Variants in NKAIN3 observed in about 807,000 individuals in gnomAD.
The protein encoded by NKAIN3 is sodium/potassium transporting ATPase interacting 3, also known as sodium/potassium-transporting ATPase subunit beta-1-interacting protein 3.
In NKAIN3, 25 loss-of-function variants were observed where a neutral mutation model predicts 30.2. The observed-to-expected ratio is 0.83, with a 90% CI of 0.60 to 1.16. The LOEUF (loss-of-function observed/expected upper bound fraction) is 1.16. NKAIN3 is among the 50% of genes most tolerant of loss of function. The probability of loss-of-function intolerance (pLI) is 0.00; values close to 1 mark genes in which losing one functional copy is unlikely to be tolerated. For missense variants in NKAIN3, 225 were observed against 254.1 expected, an observed-to-expected ratio of 0.89 and a Z score of 0.78; for synonymous variants, 91 against 89.6, an observed-to-expected ratio of 1.02 and a Z score of -0.09.
At chr8:62,845,492 G>C (rs1819662709) in intron 4 of NKAIN3, among the ~76,000 whole-genome samples, 1 of 151,490 alleles carries the variant, frequency 6.6e-6, no homozygotes, top group African/African-American at 2.4e-5. Context: ...TGGTGAACTG[G>C]AACAGAGCAA....
chr8:62,790,792 T>C (rs911668708), intron 4 of NKAIN3, among the ~76,000 whole-genome samples: 1 of 152,038 alleles, frequency 6.6e-6, no homozygotes, highest in Non-Finnish European at 1.5e-5. Flanking sequence ...CTCTGATAAG[T>C]GCTACTCACA....
chr8:62,312,620 C>T (rs752048492), intron 1 of NKAIN3, among the ~76,000 whole-genome samples: 5 of 142,324 alleles, frequency 3.5e-5, no homozygotes, highest in Non-Finnish European at 7.4e-5. Context: ...GAGTTTGAGA[C>T]CAGCGTGGGC....
intron 4 of NKAIN3, among the ~76,000 whole-genome samples, chr8:62,786,601 T>C (rs2130662895): frequency 6.6e-6 from 1 of 151,968 alleles, no homozygotes; most frequent in African/African-American, 2.4e-5. Flanking sequence ...AAAAAGAAAA[T>C]TGGTCTTGTA....
chr8:62,930,259 CT>C (rs34934320), intron 5 of NKAIN3, among the ~76,000 whole-genome samples: 22,254 of 148,346 alleles, frequency 0.15, 2,088 homozygotes, highest in African/African-American at 0.26. Flanking sequence ...TCCATTCTAC[CT>C]TTTTTTTTTG....
chr8:62,271,318 C>T (rs1327352581), intron 1 of NKAIN3, among the ~76,000 whole-genome samples: 1 of 152,058 alleles, frequency 6.6e-6, no homozygotes, highest in African/African-American at 2.4e-5. Flanking sequence ...TCTTTAAGCA[C>T]AAGATTTGTA....
In NKAIN3 at chr8:62,848,921, C is replaced by A. The variant is rs1406568528; in HGVS notation, c.472-69532C>A. ...CCTTTTCTGCATCTATTGAGATAAT[C>A]ATGTGGTTTTTGTCCTTAGATCTGT... On this transcript the variant is annotated intron_variant, in intron 4 of 6. Coordinates refer to ENST00000623646, the MANE Select transcript of NKAIN3 (RefSeq NM_001304533.3). Among the ~76,000 whole-genome samples, 9 of 152,102 alleles carry A rather than the reference C, an allele frequency of 5.9e-5. No homozygotes were observed. The East Asian group carries it at 1.7e-3, about 29-fold the overall frequency.
chr8:62,526,705 A>G (rs1808313663), intron 1 of NKAIN3, among the ~76,000 whole-genome samples: 1 of 152,168 alleles, frequency 6.6e-6, no homozygotes, highest in African/African-American at 2.4e-5. Context: ...AATGGACTTC[A>G]TTGCAGAAGT....
intron 3 of NKAIN3, among the ~76,000 whole-genome samples, chr8:62,595,543 G>T (rs1279810699): frequency 6.6e-6 from 1 of 151,840 alleles, no homozygotes; most frequent in Non-Finnish European, 1.5e-5. Flanking sequence ...GTGCTCTCAG[G>T]CAATAGATGA....
At chr8:62,631,225 C>A (rs1243246248) in intron 3 of NKAIN3, among the ~76,000 whole-genome samples, 2 of 152,140 alleles carry the variant, frequency 1.3e-5, no homozygotes, top group Non-Finnish European at 2.9e-5. Context: ...AGACATTGTT[C>A]CTGACTTCCA....
At chr8:62,405,734 C>G (rs531687678) in intron 1 of NKAIN3, among the ~76,000 whole-genome samples, 12 of 152,142 alleles carry the variant, frequency 7.9e-5, no homozygotes, top group Non-Finnish European at 1.8e-4. Context: ...CACCTGATTA[C>G]TGGTTCTTAT....
chr8:62,342,541 C>T (rs1399683228), intron 1 of NKAIN3, among the ~76,000 whole-genome samples: 1 of 152,038 alleles, frequency 6.6e-6, no homozygotes, highest in Non-Finnish European at 1.5e-5. Flanking sequence ...CTTTGAGTGT[C>T]ACCCAGTTAC....
At chr8:62,691,168 C>T (rs1333587071) in intron 3 of NKAIN3, among the ~76,000 whole-genome samples, 1 of 152,180 alleles carries the variant, frequency 6.6e-6, no homozygotes, top group African/African-American at 2.4e-5. Flanking sequence ...TAAGTAGCAG[C>T]TGGCCTTCTT....
chr8:62,581,780 C>A lies in NKAIN3; in HGVS notation c.192+2104C>A, dbSNP rs535598793. On this transcript the variant is annotated intron_variant, in intron 2 of 6. Coordinates refer to ENST00000623646, the MANE Select transcript of NKAIN3 (RefSeq NM_001304533.3). The stretch of plus-strand genomic sequence containing the variant: ...TCTTTCCTTCCTTCCTCCCTCCCTC[C>A]CTCCCTTTCTCCCACCTATCCTCCC... Among the ~76,000 whole-genome samples the A allele has an allele frequency of 8.2e-4, 114 of 138,692 alleles. 3 individuals are homozygous for A. The highest frequency in any genetic ancestry group is 3.6e-3 in the Middle Eastern group (1 of 280). The allele number at this position is 138,692 out of a possible 152,430, so 91.0% of individuals were successfully genotyped here.
At chr8:62,576,021 C>A (rs758405705) in intron 1 of NKAIN3, among the ~76,000 whole-genome samples, 1 of 151,948 alleles carries the variant, frequency 6.6e-6, no homozygotes, top group African/African-American at 2.4e-5. Context: ...TACTAGAAGA[C>A]AACACTAGGG....
At chr8:62,572,567 C>G (rs1297790884) in intron 1 of NKAIN3, among the ~76,000 whole-genome samples, 1 of 152,162 alleles carries the variant, frequency 6.6e-6, no homozygotes, top group African/African-American at 2.4e-5. Flanking sequence ...CTGATAAAGA[C>G]ATATGTGAGA....
intron 3 of NKAIN3, among the ~76,000 whole-genome samples, chr8:62,660,795 C>T (rs1233258577): frequency 6.6e-6 from 1 of 152,204 alleles, no homozygotes; most frequent in Non-Finnish European, 1.5e-5. Flanking sequence ...TCAAGCCATC[C>T]TCTAAGTCCA....
chr8:62,691,172 C>T (rs1002307086), intron 3 of NKAIN3, among the ~76,000 whole-genome samples: 1 of 152,112 alleles, frequency 6.6e-6, no homozygotes, highest in African/African-American at 2.4e-5. Flanking sequence ...TAGCAGCTGG[C>T]CTTCTTTATC....
intron 4 of NKAIN3, among the ~76,000 whole-genome samples, chr8:62,780,166 T>C (rs1472791658): frequency 1.3e-5 from 2 of 152,118 alleles, no homozygotes; most frequent in Admixed American, 6.6e-5. Flanking sequence ...TGAACCATTA[T>C]AAGCTAACAA....
chr8:62,680,035 T>C (rs1272386917), intron 3 of NKAIN3, among the ~76,000 whole-genome samples: 2 of 152,052 alleles, frequency 1.3e-5, no homozygotes, highest in African/African-American at 2.4e-5. Context: ...CAAGATGCAG[T>C]TGAAGGGGAG....
Sources: allele counts gnomAD v4.1 joint callset (sites outside exome capture counted in the v4.1 genomes callset), GRCh38; gene constraint gnomAD v4.1.1; transcripts MANE v1.5; gene names NCBI Gene and HGNC (gene_info 2026-07-23, HGNC 2026-07-21).